The following PCDHGA11 variants were observed in gnomAD, a reference collection of about 807,000 sequenced individuals.
The protein encoded by PCDHGA11 is protocadherin gamma subfamily A, 11, also known as protocadherin gamma-A11.
Under a neutral mutation model 60.4 loss-of-function variants are expected in PCDHGA11, and 39 were observed. That is an observed-to-expected ratio of 0.65 (90% confidence interval 0.50 to 0.84). The LOEUF (loss-of-function observed/expected upper bound fraction) is 0.84, where lower values mean the gene tolerates loss of function less well. Among genes scored for constraint, PCDHGA11 ranks in the 40% least tolerant of loss-of-function variants. PCDHGA11 has a pLI of 0.00. For missense variants in PCDHGA11, 1,165 were observed against 1,197.7 expected, an observed-to-expected ratio of 0.97 and a Z score of 0.40; for synonymous variants, 533 against 510.3, an observed-to-expected ratio of 1.04 and a Z score of -0.60.
In PCDHGA11 at chr5:141,487,160, G is replaced by A. The variant is rs1188929436; in HGVS notation, c.2434-7647G>A. 5.0e-6 allele frequency: 8 copies of A among 1,613,830 alleles called. No homozygotes were observed. The highest frequency in any genetic ancestry group is 5.1e-6 in the Non-Finnish European group (6 of 1,179,840). ...ACTCTCTACCTCTGTTACTCTCTTA[G>A]TGTCCTTAGAGGAAGACACTCATCC... On this transcript the variant is annotated intron_variant, in intron 1 of 3. Transcript: ENST00000398587. The surrounding 1 kb of genome is among the most constrained non-coding windows in gnomAD (Gnocchi z 5.0).
intron 1 of PCDHGA11, chr5:141,427,503 A>C (rs1317684577): frequency 6.9e-6 from 4 of 578,118 alleles, no homozygotes; most frequent in Non-Finnish European, 9.8e-6. Flanking sequence ...AACAGATGGG[A>C]CCCTGGATTG....
Position 141,486,000 on chromosome 5 carries a change from A to G in PCDHGA11, c.2434-8807A>G. 1 of 1,614,194 alleles carries G rather than the reference A, an allele frequency of 6.2e-7. No individual in the cohort carries two copies. Among genetic ancestry groups the G allele is most frequent in the Non-Finnish European group, 8.5e-7 (1 of 1,180,034 alleles). On this transcript the variant is annotated intron_variant, in intron 1 of 3. Transcript: ENST00000398587. The surrounding 1 kb of genome is among the most constrained non-coding windows in gnomAD (Gnocchi z 5.7). ...GACCCGGACCTGGGTCCCAGTGGTA[A>G]CGTCACCTTTTATTTCAGTGGTCAT...
At chr5:141,441,703 A>C (rs1329703451) in intron 1 of PCDHGA11, 2 of 312,092 alleles carry the variant, frequency 6.4e-6, no homozygotes, top group Non-Finnish European at 1.3e-5. Context: ...CGAGCCTTCA[A>C]GCTCACGCTG....
In PCDHGA11 at chr5:141,431,841, C is replaced by T; in HGVS notation, c.2433+8181C>T. The T allele has an allele frequency of 6.2e-7, 1 of 1,614,246 alleles. No homozygotes were observed. Among genetic ancestry groups the T allele is most frequent in the Non-Finnish European group, 8.5e-7 (1 of 1,180,044 alleles). ...GCCAGCTCGGTTCCCGAAAACTCTC[C>T]CAGAGGGACATTAATTGCCCTTTTA... On this transcript the variant is annotated intron_variant, in intron 1 of 3. Coordinates refer to ENST00000398587, the MANE Select transcript of PCDHGA11 (RefSeq NM_018914.3). The surrounding 1 kb of genome is among the most constrained non-coding windows in gnomAD (Gnocchi z 4.8).
chr5:141,443,223 A>G (rs2098374731), intron 1 of PCDHGA11, among the ~76,000 whole-genome samples: 1 of 152,044 alleles, frequency 6.6e-6, no homozygotes, highest in African/African-American at 2.4e-5. Flanking sequence ...AGGCGCATCT[A>G]TAATCTTAGC....
intron 1 of PCDHGA11, among the ~76,000 whole-genome samples, chr5:141,492,781 T>A (rs945023154): frequency 6.6e-6 from 1 of 152,194 alleles, no homozygotes; most frequent in African/African-American, 2.4e-5. Context: ...TGAGTGAGCC[T>A]CTATAGGACA....
At chr5:141,507,797 C>T (rs933921827) in intron 3 of PCDHGA11, among the ~76,000 whole-genome samples, 3 of 152,240 alleles carry the variant, frequency 2.0e-5, no homozygotes, top group Non-Finnish European at 2.9e-5. Flanking sequence ...TCTAAGCCTG[C>T]GCCCTGGGGA....
At chr5:141,442,947 C>T (rs185574624) in intron 1 of PCDHGA11, among the ~76,000 whole-genome samples, 92 of 152,282 alleles carry the variant, frequency 6.0e-4, no homozygotes, top group African/African-American at 1.7e-3. Flanking sequence ...AACTTCCTCT[C>T]ACTGCAAAAA....
chr5:141,456,087 C>T (rs1218579202), intron 1 of PCDHGA11, among the ~76,000 whole-genome samples: 1 of 151,886 alleles, frequency 6.6e-6, no homozygotes, highest in Non-Finnish European at 1.5e-5. Context: ...TCAGTAGAGA[C>T]GGGATTTCAC....
intron 1 of PCDHGA11, chr5:141,428,860 CT>C (rs34152666): frequency 0.3 from 42,955 of 145,250 alleles, 7,185 homozygotes; most frequent in African/African-American, 0.5. Flanking sequence ...TTACGGGAGA[CT>C]TTTTTTTTTT....
At chr5:141,475,764 C>T (rs2154573514) in intron 1 of PCDHGA11, among the ~76,000 whole-genome samples, 1 of 152,380 alleles carries the variant, frequency 6.6e-6, no homozygotes, top group South Asian at 2.1e-4. Flanking sequence ...CCGATACTGG[C>T]AAGGCGCTTT....
intron 1 of PCDHGA11, chr5:141,478,664 C>T (rs2099470287): frequency 1.3e-6 from 2 of 1,551,788 alleles, no homozygotes; most frequent in Non-Finnish European, 1.7e-6. Context: ...GATGCATTCA[C>T]ACTTTCAACT....
chr5:141,457,023 A>G (rs1339517071), intron 1 of PCDHGA11, among the ~76,000 whole-genome samples: 1 of 152,228 alleles, frequency 6.6e-6, no homozygotes, highest in Non-Finnish European at 1.5e-5. Flanking sequence ...AAAAAGTCCT[A>G]GTAGACTCAG....
At chr5:141,459,930 T>C (rs1385764489) in intron 1 of PCDHGA11, among the ~76,000 whole-genome samples, 1 of 152,176 alleles carries the variant, frequency 6.6e-6, no homozygotes, top group East Asian at 1.9e-4. Context: ...TATATCCTTG[T>C]AGCTGGGCGT....
At position 141,486,182 on chromosome 5, in the gene PCDHGA11, C is replaced by G. The variant is rs1288782056; in HGVS notation, c.2434-8625C>G. On this transcript the variant is annotated intron_variant, in intron 1 of 3. Transcript: ENST00000398587. This position sits in a 1 kb window ranked among gnomAD's most constrained non-coding sequence, Gnocchi z 5.0. ...AGCCATGGAGCAACATTGCAGCCTT[C>G]GAGTGGATCTGCTGGACGTAAATGA... 1 of 1,614,198 alleles carries G rather than the reference C, an allele frequency of 6.2e-7. No individual in the cohort carries two copies. Among genetic ancestry groups the G allele is most frequent in the Non-Finnish European group, 8.5e-7 (1 of 1,180,028 alleles).
chr5:141,511,002 C>T lies in PCDHGA11; in HGVS notation c.2637C>T (p.Ser879=), dbSNP rs143630962. 77 of 1,614,140 alleles carry T rather than the reference C, an allele frequency of 4.8e-5. No individual in the cohort carries two copies. Among genetic ancestry groups the T allele is most frequent in the South Asian group, 2.1e-4 (19 of 91,080 alleles). ...GGGGTGCCGGCACCATGGGATTGAG[C>T]GCCCGCTACGGACCCCAGTTCACCC... The part of the protein sequence containing the change: ...LGGGAGTMGL[S]ARYGPQFTLQ... Residue 879 remains serine (S), a synonymous_variant, in exon 4 of 4, where the codon AGC becomes AGT. Coordinates refer to ENST00000398587, the MANE Select transcript of PCDHGA11 (RefSeq NM_018914.3).
At chr5:141,456,309 A>T (rs1305324857) in intron 1 of PCDHGA11, among the ~76,000 whole-genome samples, 1 of 152,138 alleles carries the variant, frequency 6.6e-6, no homozygotes, top group Non-Finnish European at 1.5e-5. Flanking sequence ...AACAGCAGCT[A>T]GGGCTCCTCC....
At position 141,511,423 on chromosome 5, in the gene PCDHGA11, A is replaced by G. The variant is rs1301463531; in HGVS notation, c.*250A>G. On this transcript the variant is annotated 3_prime_UTR_variant, in exon 4 of 4. Transcript: ENST00000398587. ...AATCAACTGCTGTACCCATGGGGGTAGTGGGGTTACTGTAGACACCAAGAA... is the reference window on the plus strand; with the variant it reads ...AATCAACTGCTGTACCCATGGGGGTGGTGGGGTTACTGTAGACACCAAGAA... 15 of 818,384 alleles carry G rather than the reference A, an allele frequency of 1.8e-5. No homozygotes were observed. Among genetic ancestry groups the G allele is most frequent in the East Asian group, 3.0e-5 (1 of 33,874 alleles). 50.7% of individuals were successfully genotyped at this position (818,384 alleles called of 1,614,324 possible). A position where few individuals can be genotyped will look rare whatever the true frequency, so the allele number is the denominator to read the frequency against.
In PCDHGA11 at chr5:141,491,731, C is replaced by T. The variant is rs1198438920; in HGVS notation, c.2434-3076C>T. ...GGGCTCGGCGCCGCCCCGGGCGACC[C>T]CTGGGGGCGGCACTGGAGAAGCCGC... On this transcript the variant is annotated intron_variant, in intron 1 of 3. Coordinates refer to ENST00000398587, the MANE Select transcript of PCDHGA11 (RefSeq NM_018914.3). The surrounding 1 kb of genome is among the most constrained non-coding windows in gnomAD (Gnocchi z 6.9). 1 of 1,603,678 alleles carries T rather than the reference C, an allele frequency of 6.2e-7. No homozygotes were observed. Among genetic ancestry groups the T allele is most frequent in the Non-Finnish European group, 8.5e-7 (1 of 1,175,748 alleles).
Sources: gnomAD v4.1 joint callset for allele counts (sites outside exome capture counted in the v4.1 genomes callset) on GRCh38, gnomAD v4.1.1 for gene constraint, Gnocchi (gnomAD v3.1) non-coding constraint, MANE v1.5 for transcripts, NCBI Gene and HGNC (gene_info 2026-07-23, HGNC 2026-07-21) for gene names.